The following RP1 variants were observed in gnomAD, a reference collection of about 807,000 sequenced individuals.
RP1 encodes RP1 axonemal microtubule associated.
A neutral mutation model predicts 14.8 loss-of-function variants in RP1; 16 were observed. That is an observed-to-expected ratio of 1.08 (90% CI 0.73 to 1.65). The LOEUF (loss-of-function observed/expected upper bound fraction) is 1.65, where lower values mean the gene tolerates loss of function less well. Ranked by LOEUF, RP1 falls within the 40% of genes most tolerant of loss-of-function variation. The probability of loss-of-function intolerance (pLI) is 0.00; values close to 1 mark genes in which losing one functional copy is unlikely to be tolerated. For missense variants in RP1, 2,631 were observed against 2,535.0 expected, an observed-to-expected ratio of 1.04 and a Z score of -0.81; for synonymous variants, 876 against 883.6, an observed-to-expected ratio of 0.99 and a Z score of 0.15.
At chr8:54,586,511 G>C (rs965995125) in intron 1 of RP1, among the ~76,000 whole-genome samples, 1 of 152,200 alleles carries the variant, frequency 6.6e-6, no homozygotes, top group Non-Finnish European at 1.5e-5. Context: ...AGAACCACTA[G>C]TCTCTTCAAA....
chr8:54,812,465 A>G (rs750009961), intron 24 of RP1, among the ~76,000 whole-genome samples: 17 of 152,188 alleles, frequency 1.1e-4, no homozygotes, highest in African/African-American at 3.6e-4. Flanking sequence ...AAATGCATAT[A>G]TTAATAGTTT....
At chr8:54,613,246 T>A (rs16920601), upstream of RP1, among the ~76,000 whole-genome samples, 4,599 of 152,290 alleles carry the variant, frequency 0.03, 208 homozygotes, top group African/African-American at 0.1. Flanking sequence ...CAGAATTCTA[T>A]GTGGCTTGGA....
At chr8:54,798,702 C>A (rs1051431793) in intron 24 of RP1, among the ~76,000 whole-genome samples, 1 of 152,128 alleles carries the variant, frequency 6.6e-6, no homozygotes, top group Non-Finnish European at 1.5e-5. Context: ...GATTTGTCCT[C>A]AGAATATTTC....
At chr8:54,856,442 A>G (rs1034216520) in intron 26 of RP1, among the ~76,000 whole-genome samples, 3 of 152,160 alleles carry the variant, frequency 2.0e-5, no homozygotes, top group Non-Finnish European at 4.4e-5. Flanking sequence ...GTGTATGTAT[A>G]TGTATGTACA....
At chr8:54,741,244 C>T (rs1013378912) in intron 19 of RP1, among the ~76,000 whole-genome samples, 1 of 152,072 alleles carries the variant, frequency 6.6e-6, no homozygotes, top group African/African-American at 2.4e-5. Flanking sequence ...ATGAAGCCTA[C>T]AGTAGTGTAC....
intron 6 of RP1, among the ~76,000 whole-genome samples, chr8:54,658,411 CG>C (rs1203720291): frequency 6.6e-6 from 1 of 150,790 alleles, no homozygotes; most frequent in Non-Finnish European, 1.5e-5. Context: ...AATAGCCGGG[CG>C]TAGTGGCGGG....
At chr8:54,696,240 C>T (rs1174201631) in intron 12 of RP1, among the ~76,000 whole-genome samples, 1 of 152,052 alleles carries the variant, frequency 6.6e-6, no homozygotes, top group African/African-American at 2.4e-5. Flanking sequence ...GGATTTGGGA[C>T]TATAAATTAC....
intron 25 of RP1, among the ~76,000 whole-genome samples, chr8:54,848,977 G>C (rs765197990): frequency 2.0e-5 from 3 of 152,192 alleles, no homozygotes; most frequent in Non-Finnish European, 2.9e-5. Flanking sequence ...TTGAACGCCT[G>C]ACTTCAAGTG....
downstream of RP1, among the ~76,000 whole-genome samples, chr8:54,771,022 G>A (rs1479117948): frequency 6.6e-6 from 1 of 152,026 alleles, no homozygotes; most frequent in Admixed American, 6.5e-5. Context: ...GCAAAGGTTA[G>A]TGCTAACATT....
chr8:54,746,584 TA>T (rs907977153), intron 19 of RP1, among the ~76,000 whole-genome samples: 2 of 152,154 alleles, frequency 1.3e-5, no homozygotes, highest in Non-Finnish European at 2.9e-5. Flanking sequence ...CTTTGAATAT[TA>T]AAAAAAGAAA....
chr8:54,824,622 A>G (rs1172063161), intron 24 of RP1, among the ~76,000 whole-genome samples: 1 of 152,260 alleles, frequency 6.6e-6, no homozygotes, highest in South Asian at 2.1e-4. Flanking sequence ...GGGAAACCGC[A>G]GACTAATTTT....
At chr8:54,734,476 A>G (rs149962922) in intron 17 of RP1, 1 of 1,401,432 alleles carries the variant, frequency 7.1e-7, no homozygotes, top group Non-Finnish European at 9.5e-7. Context: ...CTTTGGCTCC[A>G]GTGTGACAAA....
intron 1 of RP1, among the ~76,000 whole-genome samples, chr8:54,578,646 C>T (rs1804714552): frequency 6.6e-6 from 1 of 152,148 alleles, no homozygotes; most frequent in Non-Finnish European, 1.5e-5. Flanking sequence ...TAATGAAGGT[C>T]CCAGGATCAT....
chr8:54,706,664 C>T (rs1378972650), intron 15 of RP1: 1 of 1,535,772 alleles, frequency 6.5e-7, no homozygotes, highest in East Asian at 2.4e-5. Flanking sequence ...CAGTAAGCAT[C>T]TGCTCTTGTT....
intron 27 of RP1, among the ~76,000 whole-genome samples, chr8:54,865,653 CTGAG>C (rs1363302705): frequency 2.1e-5 from 3 of 145,098 alleles, no homozygotes; most frequent in Non-Finnish European, 4.5e-5. Flanking sequence ...TTCTAGTACT[CTGAG>C]TAATTAGGTT....
At chr8:54,688,559 T>G (rs1425956121) in intron 12 of RP1, among the ~76,000 whole-genome samples, 2 of 152,232 alleles carry the variant, frequency 1.3e-5, no homozygotes, top group Non-Finnish European at 2.9e-5. Flanking sequence ...GCACCATTTA[T>G]TAAATAGGGA....
rs192769788 is a variant in RP1 at position 54,702,585 on chromosome 8, C to T, written c.1998+923C>T. On this transcript the variant is annotated intron_variant, in intron 14 of 22. Coordinates refer to the RP1 transcript ENST00000636932. Reference sequence around the variant, plus strand: ...GGTCTTGCCTCGATATTGACAGTTGCTGATGAATCAGGGTGGTGGTTGCTG... The same window carrying T: ...GGTCTTGCCTCGATATTGACAGTTGTTGATGAATCAGGGTGGTGGTTGCTG... Among the ~76,000 whole-genome samples the T allele has an allele frequency of 3.4e-3, 522 of 152,244 alleles. 3 individuals are homozygous for T. Among genetic ancestry groups the T allele is most frequent in the Non-Finnish European group, 5.6e-3 (384 of 68,012 alleles).
intron 1 of RP1, among the ~76,000 whole-genome samples, chr8:54,564,626 G>T (rs1358936436): frequency 6.6e-6 from 1 of 152,232 alleles, no homozygotes; most frequent in East Asian, 1.9e-4. Flanking sequence ...CAGAGAGGCT[G>T]TGCTTTGGGG....
Position 54,723,586 on chromosome 8 carries a change from C to T in RP1, c.2390-2759C>T, listed in dbSNP as rs139018283. 2.1e-4 allele frequency among the ~76,000 whole-genome samples: 32 copies of T among 152,218 alleles called. No homozygotes were observed. In the East Asian group the frequency reaches 6.0e-3, roughly 29 times the overall value. On this transcript the variant is annotated intron_variant, in intron 16 of 22. Transcript: ENST00000636932. ...TGAGAAAGTGTGAAAAGATCTGACC[C>T]CTTGGGCTTATGTGATTAGTTATTA...
Sources: allele counts gnomAD v4.1 joint callset (sites outside exome capture counted in the v4.1 genomes callset), GRCh38; gene constraint gnomAD v4.1.1; transcripts MANE v1.5; gene names NCBI Gene and HGNC (gene_info 2026-07-23, HGNC 2026-07-21).